The following EBI3 variants were observed in gnomAD, a reference collection of about 807,000 sequenced individuals.
The protein encoded by EBI3 is interleukin-27 subunit beta.
A neutral mutation model predicts 21.3 loss-of-function variants in EBI3; 19 were observed. That is an observed-to-expected ratio of 0.89 (90% CI 0.62 to 1.31). The LOEUF (loss-of-function observed/expected upper bound fraction) is 1.31, where lower values mean the gene tolerates loss of function less well. Among genes scored for constraint, EBI3 ranks in the 50% most tolerant of loss-of-function variants. The pLI, the probability that EBI3 is intolerant of heterozygous loss-of-function variation, is 0.00. For missense variants in EBI3, 331 were observed against 314.0 expected (o/e 1.05, Z -0.41); for synonymous variants, 154 against 131.2 (o/e 1.17, Z -1.19).
At chr19:4,233,618 G>T (rs958204861) in intron 3 of EBI3, among the ~76,000 whole-genome samples, 1 of 152,090 alleles carries the variant, frequency 6.6e-6, no homozygotes, top group African/African-American at 2.4e-5. Flanking sequence ...CTGCCTTGGG[G>T]TCAAAGCCCA....
Position 4,234,703 on chromosome 19 carries a change from C to T in EBI3, c.416C>T (p.Pro139Leu), listed in dbSNP as rs542032229. ...PDPPEGVRLS[P>L]LAERQLQVQW... ...CCTCCAGAAGGCGTGCGCCTAAGCCCCCTCGCTGAGCGCCAGCTACAGGTG... is the reference window on the plus strand; with the variant it reads ...CCTCCAGAAGGCGTGCGCCTAAGCCTCCTCGCTGAGCGCCAGCTACAGGTG... The change falls in exon 4 of 5, where the codon CCC becomes CTC. Residue 139 changes from proline to leucine, a missense_variant. Pro to Leu is a moderately conservative substitution (Grantham distance 98, BLOSUM62 -3). Transcript: ENST00000221847. 1.2e-6 allele frequency: 2 copies of T among 1,614,140 alleles called. No homozygotes were observed. The highest frequency in any genetic ancestry group is 1.7e-6 in the Non-Finnish European group (2 of 1,180,026).
intron 2 of EBI3, among the ~76,000 whole-genome samples, chr19:4,231,804 G>A (rs1033836882): frequency 1.3e-5 from 2 of 151,752 alleles, no homozygotes; most frequent in African/African-American, 4.8e-5. Context: ...TCCTGGGTTG[G>A]GCACAGTGGC....
At chr19:4,233,859 C>G (rs1970813522) in intron 3 of EBI3, among the ~76,000 whole-genome samples, 1 of 152,216 alleles carries the variant, frequency 6.6e-6, no homozygotes, top group Non-Finnish European at 1.5e-5. Context: ...CTTCGGGTCT[C>G]TGTGCATACA....
intron 2 of EBI3, among the ~76,000 whole-genome samples, chr19:4,231,632 G>A (rs1418388504): frequency 6.6e-6 from 1 of 151,260 alleles, no homozygotes; most frequent in Non-Finnish European, 1.5e-5. Flanking sequence ...TTGGTCAGGT[G>A]CAGTGGCTCA....
At chr19:4,234,189 G>A (rs1219884063) in intron 3 of EBI3, among the ~76,000 whole-genome samples, 2 of 152,190 alleles carry the variant, frequency 1.3e-5, no homozygotes, top group South Asian at 2.1e-4. Flanking sequence ...CTGGGCGAGA[G>A]AGCGAGACTC....
At chr19:4,236,084 G>A (rs912902631) in intron 4 of EBI3, among the ~76,000 whole-genome samples, 6 of 151,952 alleles carry the variant, frequency 3.9e-5, no homozygotes, top group African/African-American at 7.3e-5. Context: ...GGCCTGGCGC[G>A]GTGGCTCATG....
Position 4,236,987 on chromosome 19 carries a change from G to T in EBI3, c.589G>T (p.Ala197Ser). 6.3e-7 allele frequency: 1 copy of T among 1,578,346 alleles called. No individual in the cohort carries two copies. Among genetic ancestry groups the T allele is most frequent in the East Asian group, 2.4e-5 (1 of 42,250 alleles). ...SFILRAVRPR[A>S]RYYVQVAAQD... ...CATCCTCAGGGCTGTGCGGCCCCGA[G>T]CCAGGTACTACGTCCAAGTGGCGGC... Residue 197 changes from alanine (A) to serine (S), a missense_variant, in exon 5 of 5, where the codon GCC becomes TCC. Coordinates refer to ENST00000221847, the MANE Select transcript of EBI3 (RefSeq NM_005755.3).
At chr19:4,233,376 C>A (rs758678154) in intron 3 of EBI3, 69 bp downstream of exon 3, 72 of 1,485,650 alleles carry the variant, frequency 4.8e-5, no homozygotes, top group Non-Finnish European at 6.4e-5. Context: ...CACCCCACCT[C>A]CCACCTGTCC....
At position 4,229,619 on chromosome 19, in the gene EBI3, T is replaced by C; in HGVS notation, c.67+2T>C. The C allele has an allele frequency of 6.2e-7, 1 of 1,605,450 alleles. No individual in the cohort carries two copies. Among genetic ancestry groups the C allele is most frequent in the Non-Finnish European group, 8.5e-7 (1 of 1,176,540 alleles). ...GCCCGCCCTGCAGTGGAAGGAAAGG[T>C]ATGTGGGGCCCCTGGGGGACTGGGG... On this transcript the variant is annotated splice_donor_variant, in intron 1 of 4. Transcript: ENST00000221847. LOFTEE classifies it high-confidence loss of function.
At chr19:4,234,113 C>T (rs374464197) in intron 3 of EBI3, among the ~76,000 whole-genome samples, 1 of 152,060 alleles carries the variant, frequency 6.6e-6, no homozygotes, top group African/African-American at 2.4e-5. Flanking sequence ...GGCTGAGGCA[C>T]GAGAATCACT....
rs1000097068 is a variant in EBI3 at position 4,237,335 on chromosome 19, C to A, written c.*247C>A. 2.9e-6 allele frequency: 1 copy of A among 341,988 alleles called. No individual in the cohort carries two copies. The highest frequency in any genetic ancestry group is 5.2e-6 in the Non-Finnish European group (1 of 191,906). The allele number at this position is 341,988 out of a possible 1,614,324, so 21.2% of individuals were successfully genotyped here. A position where few individuals can be genotyped will look rare whatever the true frequency, so the allele number is the denominator to read the frequency against. On this transcript the variant is annotated 3_prime_UTR_variant, in exon 5 of 5. Coordinates refer to ENST00000221847, the MANE Select transcript of EBI3 (RefSeq NM_005755.3). ...TTACCACAGTGCAGGGCTGACTGAA[C>A]TGTCACTGTGAGATATTTTTTATTG...
In EBI3 at chr19:4,233,133, G is replaced by C. The variant is rs776953936; in HGVS notation, c.205G>C (p.Gly69Arg). ...AGCGAGCCCCACCCTGTGCAGGCTC[G>C]GCATGGCTGCCCGGGGCCACAGCTG... ...PVSFIATYRL[G>R]MAARGHSWPC... is the part of the protein sequence containing the mutation. The change falls in exon 3 of 5, where the codon GGC becomes CGC. Residue 69 changes from glycine (G) to arginine (R), a missense_variant. By Grantham distance (125) the Gly-to-Arg change is moderately radical. Transcript: ENST00000221847. 8 of 1,591,330 alleles carry C rather than the reference G, an allele frequency of 5.0e-6. No homozygotes were observed. Among genetic ancestry groups the C allele is most frequent in the Non-Finnish European group, 6.0e-6 (7 of 1,175,234 alleles).
chr19:4,236,518 C>CAAAAA (rs4009634), intron 4 of EBI3, among the ~76,000 whole-genome samples: 6,372 of 30,464 alleles, frequency 0.21, 2,185 homozygotes, highest in East Asian at 0.27. Flanking sequence ...AAGACTGTCT[C>CAAAAA]AAAAAAAAAA....
At chr19:4,232,240 A>G (rs1364264790) in intron 2 of EBI3, among the ~76,000 whole-genome samples, 6 of 110,436 alleles carry the variant, frequency 5.4e-5, no homozygotes, top group South Asian at 3.6e-4. Context: ...AAAAAAAAAA[A>G]AAAAAGAAAA....
chr19:4,233,620 C>G (rs1485892112), intron 3 of EBI3, among the ~76,000 whole-genome samples: 2 of 152,180 alleles, frequency 1.3e-5, no homozygotes, highest in African/African-American at 4.8e-5. Flanking sequence ...GCCTTGGGGT[C>G]AAAGCCCAAG....
chr19:4,233,742 A>G (rs938871513), intron 3 of EBI3, among the ~76,000 whole-genome samples: 8 of 152,026 alleles, frequency 5.3e-5, no homozygotes, highest in Admixed American at 6.6e-5. Flanking sequence ...TGATTCCTTG[A>G]TGTTCAACAT....
Position 4,229,597 on chromosome 19 carries a change from C to A in EBI3, c.47C>A (p.Pro16Gln). 1 of 1,609,730 alleles carries A rather than the reference C, an allele frequency of 6.2e-7. No homozygotes were observed. Among genetic ancestry groups the A allele is most frequent in the East Asian group, 2.2e-5 (1 of 44,790 alleles). ...GCCCTTGTCCTCTGGGCCAGCTGCC[C>A]GCCCTGCAGTGGAAGGAAAGGTATG... ...LLALVLWASC[P>Q]PCSGRKGPPA... The change falls in exon 1 of 5, where the codon CCG (proline) becomes CAG (glutamine). Residue 16 changes from proline (P) to glutamine (Q), a missense_variant. By Grantham distance (76) the Pro-to-Gln change is moderately conservative. Coordinates refer to ENST00000221847, the MANE Select transcript of EBI3 (RefSeq NM_005755.3).
intron 3 of EBI3, 38 bp downstream of exon 3, chr19:4,233,345 C>A: frequency 6.5e-7 from 1 of 1,534,196 alleles, no homozygotes; most frequent in Non-Finnish European, 8.7e-7. Flanking sequence ...GGCGGGGCTG[C>A]CGTCTCCTTC....
chr19:4,234,563 AAAAC>A (rs1288619994), intron 3 of EBI3, 100 bp from the exon 4 acceptor site: 8 of 1,503,616 alleles, frequency 5.3e-6, no homozygotes, highest in Non-Finnish European at 6.2e-6. Flanking sequence ...ACTCCGTTTC[AAAAC>A]AAACAAAATA....
Sources: gnomAD v4.1 joint callset for allele counts (sites outside exome capture counted in the v4.1 genomes callset) on GRCh38, gnomAD v4.1.1 for gene constraint, MANE v1.5 for transcripts, NCBI Gene and HGNC (gene_info 2026-07-23, HGNC 2026-07-21) for gene names.